Variants in FCF1 observed in about 807,000 individuals in gnomAD.
FCF1 encodes rRNA-processing protein FCF1 homolog.
Under a neutral mutation model 32.5 loss-of-function variants are expected in FCF1, and 17 were observed. The ratio of observed to expected loss-of-function variants is 0.52; its 90% CI spans 0.36 to 0.78. The LOEUF is 0.78. Ranked by LOEUF, FCF1 falls within the 30% of genes least tolerant of loss-of-function variation. The pLI, the probability that FCF1 is intolerant of heterozygous loss-of-function variation, is 0.00. For missense variants in FCF1, 201 were observed against 241.1 expected, an observed-to-expected ratio of 0.83 and a Z score of 1.10; for synonymous variants, 84 against 78.4, an observed-to-expected ratio of 1.07 and a Z score of -0.38.
Position 74,723,327 on chromosome 14 carries a change from G to A in FCF1, c.348G>A (p.Lys116=), listed in dbSNP as rs1157271494. The A allele has an allele frequency of 2.5e-6, 4 of 1,613,190 alleles. No homozygotes were observed. The highest frequency in any genetic ancestry group is 4.5e-5 in the East Asian group (2 of 44,858). The stretch of plus-strand genomic sequence containing the variant: ...CTGAAATTGAGAAATTGGGGCAGAA[G>A]TATCGAGTGGCTCTAAGGTAGGAAG... The part of the protein sequence containing the change: ...VMAEIEKLGQ[K]YRVALRIAKD... Residue 116 remains lysine (K), a synonymous_variant, in exon 5 of 8, where the codon AAG becomes AAA. Transcript: ENST00000341162.
chr14:74,723,312 G>A lies in FCF1; in HGVS notation c.333G>A (p.Glu111=). 2 of 1,613,694 alleles carry A rather than the reference G, an allele frequency of 1.2e-6. No individual in the cohort carries two copies. Among genetic ancestry groups the A allele is most frequent in the Non-Finnish European group, 1.7e-6 (2 of 1,179,742 alleles). The change falls in exon 5 of 8, where the codon GAG becomes GAA. Residue 111 remains glutamate, a synonymous_variant. Transcript: ENST00000341162. ...CCGATTGTGTAATGGCTGAAATTGA[G>A]AAATTGGGGCAGAAGTATCGAGTGG... ...CITDCVMAEI[E]KLGQKYRVAL... is the part of the protein sequence containing the mutation.
chr14:74,726,962 T>C (rs2090585092), intron 5 of FCF1, among the ~76,000 whole-genome samples: 1 of 152,112 alleles, frequency 6.6e-6, no homozygotes, highest in African/African-American at 2.4e-5. Context: ...CTGCATAGTA[T>C]TCCATGGTGT....
At chr14:74,734,857 G>T (rs371503336) in intron 7 of FCF1, 25 bp from the exon 8 acceptor site, 2 of 1,605,110 alleles carry the variant, frequency 1.2e-6, no homozygotes, top group Non-Finnish European at 1.7e-6. Context: ...CTTTCTTACC[G>T]GTGTTGATTT....
At chr14:74,722,903 A>C (rs897797194) in intron 4 of FCF1, among the ~76,000 whole-genome samples, 2 of 152,120 alleles carry the variant, frequency 1.3e-5, no homozygotes. Flanking sequence ...TTGAGGCTGC[A>C]GTGAGTTGAG....
chr14:74,715,544 C>G (rs1003360148), intron 3 of FCF1: 3 of 333,872 alleles, frequency 9.0e-6, no homozygotes, highest in South Asian at 7.3e-5. Flanking sequence ...AATCCTAACA[C>G]TAGACAAACT....
At chr14:74,727,741 G>A (rs1416403219) in intron 5 of FCF1, among the ~76,000 whole-genome samples, 1 of 152,102 alleles carries the variant, frequency 6.6e-6, no homozygotes, top group Non-Finnish European at 1.5e-5. Flanking sequence ...ATGGTTTTAG[G>A]TCTAACGTTT....
chr14:74,728,747 A>T (rs924079140), intron 5 of FCF1, among the ~76,000 whole-genome samples: 2 of 152,148 alleles, frequency 1.3e-5, no homozygotes, highest in African/African-American at 4.8e-5. Flanking sequence ...TTTGTCATAG[A>T]TAGCTCTTAT....
intron 4 of FCF1, among the ~76,000 whole-genome samples, chr14:74,721,230 A>G (rs929250534): frequency 1.3e-4 from 20 of 151,874 alleles, no homozygotes; most frequent in African/African-American, 4.4e-4. Context: ...TATTTTTAGT[A>G]GAGATGAGGT....
In FCF1 at chr14:74,723,361, C is replaced by T; in HGVS notation, c.365+17C>T. The T allele has an allele frequency of 6.3e-7, 1 of 1,580,396 alleles. No homozygotes were observed. On this transcript the variant is annotated intron_variant, in intron 5 of 7. Coordinates refer to ENST00000341162, the MANE Select transcript of FCF1 (RefSeq NM_015962.5). ...GGCTCTAAGGTAGGAAGGAGGTAAA[C>T]TAGATCTGTTCTAGATTGGTATACT...
chr14:74,732,808 G>A lies in FCF1; in HGVS notation c.443G>A (p.Arg148Lys). The stretch of plus-strand genomic sequence containing the variant: ...TATGCAGATGACTGCTTAGTACAGA[G>A]AGTAACTCAGGTATTATCAGTTCAT... ...GTYADDCLVQ[R>K]VTQHKCYIVA... Residue 148 changes from arginine to lysine, a missense_variant, in exon 6 of 8, where the codon AGA (arginine) becomes AAA (lysine). This residue lies in a region of FCF1 where 121 missense variants were observed against 147.8 expected (regional missense o/e 0.82). Transcript: ENST00000341162. 8 of 1,596,738 alleles carry A rather than the reference G, an allele frequency of 5.0e-6. No individual in the cohort carries two copies. Among genetic ancestry groups the A allele is most frequent in the South Asian group, 4.4e-5 (4 of 90,406 alleles).
At chr14:74,722,673 A>T (rs1566717640) in intron 4 of FCF1, among the ~76,000 whole-genome samples, 1 of 151,912 alleles carries the variant, frequency 6.6e-6, no homozygotes. Flanking sequence ...AGTGGCTCAC[A>T]CCTGTAATCC....
intron 5 of FCF1, among the ~76,000 whole-genome samples, chr14:74,726,194 A>C (rs928297084): frequency 6.6e-6 from 1 of 152,062 alleles, no homozygotes; most frequent in Non-Finnish European, 1.5e-5. Flanking sequence ...TATAAAAAAA[A>C]AACAACAGCA....
At chr14:74,715,091 T>C in intron 3 of FCF1, 148 bp downstream of exon 3, 1 of 776,082 alleles carries the variant, frequency 1.3e-6, no homozygotes, top group Non-Finnish European at 1.9e-6. Context: ...ATATATCAAT[T>C]CTAGTGGTTT....
chr14:74,732,227 G>T (rs756034623), intron 5 of FCF1, among the ~76,000 whole-genome samples: 3 of 151,646 alleles, frequency 2.0e-5, no homozygotes, highest in Non-Finnish European at 2.9e-5. Context: ...ACATTGGTAC[G>T]TACAGCTCTA....
chr14:74,733,501 CGTGACAGATGTGAA>C (rs1351659730), intron 6 of FCF1, among the ~76,000 whole-genome samples: 1 of 152,138 alleles, frequency 6.6e-6, no homozygotes, highest in Non-Finnish European at 1.5e-5. Flanking sequence ...GAGAGTCAGA[CGTGACAGATGTGAA>C]GCTTCCTATA....
At chr14:74,729,512 G>A (rs2090608868) in intron 5 of FCF1, among the ~76,000 whole-genome samples, 1 of 151,946 alleles carries the variant, frequency 6.6e-6, no homozygotes, top group African/African-American at 2.4e-5. Context: ...TATTAGTCTT[G>A]GTAGCGGTTT....
At chr14:74,721,285 G>A (rs1216703427) in intron 4 of FCF1, among the ~76,000 whole-genome samples, 2 of 151,976 alleles carry the variant, frequency 1.3e-5, no homozygotes, top group African/African-American at 2.4e-5. Context: ...GACCTCAGGT[G>A]ACCTGCCTGC....
At position 74,733,791 on chromosome 14, in the gene FCF1, T is replaced by A. The variant is rs547770571; in HGVS notation, c.454-285T>A. 8.5e-5 allele frequency among the ~76,000 whole-genome samples: 13 copies of A among 152,296 alleles called. No individual in the cohort carries two copies. The South Asian group carries it at 2.7e-3, about 32-fold the overall frequency. On this transcript the variant is annotated intron_variant, in intron 6 of 7. Coordinates refer to ENST00000341162, the MANE Select transcript of FCF1 (RefSeq NM_015962.5). ...TCTGCCCCAAGTGTGAAAGTCCCTT[T>A]CATTTATGAGCAGAAAACAGTTTGC...
chr14:74,713,716 G>T, intron 2 of FCF1, 164 bp downstream of exon 2: 3 of 639,468 alleles, frequency 4.7e-6, no homozygotes, highest in East Asian at 5.5e-5. Context: ...GCTGCTGAGC[G>T]ATCACACTGG....
Sources: allele counts gnomAD v4.1 joint callset (sites outside exome capture counted in the v4.1 genomes callset), GRCh38; gene constraint gnomAD v4.1.1; regional missense constraint gnomAD v4.1.1; transcripts MANE v1.5; gene names NCBI Gene and HGNC (gene_info 2026-07-23, HGNC 2026-07-21).